Variants in PCDHA3 observed in about 807,000 individuals in gnomAD.
PCDHA3 encodes the protein protocadherin alpha 3, also known as protocadherin alpha-3.
A neutral mutation model predicts 62.2 loss-of-function variants in PCDHA3; 41 were observed. The observed-to-expected ratio is 0.66, with a 90% CI of 0.51 to 0.86. The LOEUF (loss-of-function observed/expected upper bound fraction) is 0.86, where lower values mean the gene tolerates loss of function less well. PCDHA3 is among the 40% of genes least tolerant of loss of function. PCDHA3 has a pLI of 0.00. For missense variants in PCDHA3, 1,304 were observed against 1,241.2 expected, an observed-to-expected ratio of 1.05 and a Z score of -0.76; for synonymous variants, 640 against 555.4, an observed-to-expected ratio of 1.15 and a Z score of -2.14.
intron 1 of PCDHA3, among the ~76,000 whole-genome samples, chr5:140,889,062 T>C (rs1463008573): frequency 1.3e-5 from 2 of 152,052 alleles, no homozygotes; most frequent in African/African-American, 2.4e-5. Context: ...CCTTTTAATA[T>C]ACTACTTATT....
chr5:140,955,234 G>C (rs1373509371), intron 1 of PCDHA3, among the ~76,000 whole-genome samples: 12 of 152,184 alleles, frequency 7.9e-5, no homozygotes, highest in Middle Eastern at 3.4e-3. Flanking sequence ...TTGTTCTTTT[G>C]CTTAGGATCG....
Position 140,848,771 on chromosome 5 carries a change from C to G in PCDHA3, c.2394+45180C>G, listed in dbSNP as rs1184191151. 4.4e-6 allele frequency: 7 copies of G among 1,593,350 alleles called. No homozygotes were observed. In the South Asian group the frequency reaches 6.6e-5, roughly 15 times the overall value. On this transcript the variant is annotated intron_variant, in intron 1 of 3. Coordinates refer to ENST00000522353, the MANE Select transcript of PCDHA3 (RefSeq NM_018906.3). ...TGTTTGTGAATTCTCGGATCGACCG[C>G]GAGGAGCTGTGCGGGCGGAGCGCGG...
intron 1 of PCDHA3, chr5:140,824,264 C>A: frequency 2.3e-6 from 3 of 1,285,746 alleles, no homozygotes; most frequent in Non-Finnish European, 3.3e-6. Context: ...TGCACTAATT[C>A]ATGTATTATA....
intron 3 of PCDHA3, among the ~76,000 whole-genome samples, chr5:140,991,068 T>A (rs1563570560): frequency 6.6e-6 from 1 of 152,216 alleles, no homozygotes; most frequent in Admixed American, 6.5e-5. Flanking sequence ...ATTATTCCCA[T>A]GTTTCAGATA....
intron 1 of PCDHA3, chr5:140,870,784 G>T (rs374163229): frequency 3.1e-6 from 5 of 1,613,574 alleles, no homozygotes; most frequent in Non-Finnish European, 4.2e-6. Context: ...GAACGACAAC[G>T]CGCCGGCACT....
At chr5:140,905,383 A>G (rs576453128) in intron 1 of PCDHA3, among the ~76,000 whole-genome samples, 8 of 152,324 alleles carry the variant, frequency 5.3e-5, no homozygotes, top group African/African-American at 1.7e-4. Flanking sequence ...GTTCTGTTTC[A>G]TAGGTCTGTG....
At chr5:140,925,671 A>AATAATAATAATAATAATG (rs1445697337) in intron 1 of PCDHA3, among the ~76,000 whole-genome samples, 3 of 148,150 alleles carry the variant, frequency 2.0e-5, no homozygotes, top group African/African-American at 7.5e-5. Flanking sequence ...TAATAATAAT[A>AATAATAATAATAATAATG]ATAATAAAGC....
chr5:140,842,285 G>A lies in PCDHA3; in HGVS notation c.2394+38694G>A, dbSNP rs1777851856. 1.9e-6 allele frequency: 3 copies of A among 1,610,382 alleles called. No homozygotes were observed. The highest frequency in any genetic ancestry group is 2.5e-6 in the Non-Finnish European group (3 of 1,176,908). On this transcript the variant is annotated intron_variant, in intron 1 of 3. Transcript: ENST00000522353. ...AAACTTATACAAAATCCTCATTGAC[G>A]CCACGGACAAAGGCCATCCTCCCAT...
In PCDHA3 at chr5:140,829,505, T is replaced by C. The variant is rs1470600823; in HGVS notation, c.2394+25914T>C. 1.4e-5 allele frequency: 22 copies of C among 1,613,588 alleles called. No homozygotes were observed. The highest frequency in any genetic ancestry group is 1.9e-5 in the Non-Finnish European group (22 of 1,179,954). ...CGTGAAGGAGAACAACCCGCCGGGC[T>C]GCCACATCTTCACGGTGTCTGCGCG... On this transcript the variant is annotated intron_variant, in intron 1 of 3. Transcript: ENST00000522353.
intron 1 of PCDHA3, chr5:140,877,875 C>A: frequency 6.8e-7 from 1 of 1,475,090 alleles, no homozygotes; most frequent in Non-Finnish European, 9.0e-7. Context: ...TATTTGTTTC[C>A]TTGAAGAACT....
At chr5:140,962,494 A>T (rs1016662619) in intron 1 of PCDHA3, among the ~76,000 whole-genome samples, 4 of 152,130 alleles carry the variant, frequency 2.6e-5, no homozygotes, top group Admixed American at 2.6e-4. Context: ...CAATTTTCAG[A>T]CACCTCAGCC....
At chr5:140,823,284 G>A (rs1319808808) in intron 1 of PCDHA3, 1 of 1,612,332 alleles carries the variant, frequency 6.2e-7, no homozygotes, top group Admixed American at 1.7e-5. Context: ...AGCGCCCGCT[G>A]TCGAGTTACG....
chr5:140,858,677 T>C (rs1480959792), intron 1 of PCDHA3: 2 of 629,026 alleles, frequency 3.2e-6, no homozygotes, highest in South Asian at 4.5e-5. Flanking sequence ...TTATTCTGAA[T>C]ACACTAATAT....
chr5:140,999,747 C>T (rs2097874058), intron 3 of PCDHA3, among the ~76,000 whole-genome samples: 1 of 152,008 alleles, frequency 6.6e-6, no homozygotes, highest in East Asian at 1.9e-4. Flanking sequence ...AATCTGGGTT[C>T]GCAGCACATG....
chr5:140,804,810 A>T, intron 1 of PCDHA3: 1 of 314,338 alleles, frequency 3.2e-6, no homozygotes, highest in Non-Finnish European at 5.8e-6. Context: ...AATAGTAACC[A>T]ACTGAAACCT....
Position 140,982,684 on chromosome 5 carries a change from T to C in PCDHA3, c.2542+121T>C. Reference sequence around the variant, plus strand: ...TTTTATATTTTTGTTATTCCCTTTTTTCCATACATACATGATTTCCTTACA... The same window carrying C: ...TTTTATATTTTTGTTATTCCCTTTTCTCCATACATACATGATTTCCTTACA... On this transcript the variant is annotated intron_variant, in intron 3 of 3. Transcript: ENST00000522353. The C allele has an allele frequency of 2.8e-6, 4 of 1,425,176 alleles. No individual in the cohort carries two copies. In the South Asian group the frequency reaches 6.0e-5, roughly 21 times the overall value. 88.3% of individuals were successfully genotyped at this position (1,425,176 alleles called of 1,614,324 possible).
chr5:140,987,005 T>C (rs1587197864), intron 3 of PCDHA3, among the ~76,000 whole-genome samples: 1 of 152,008 alleles, frequency 6.6e-6, no homozygotes. Context: ...CTTGAGGTCA[T>C]GAGTTCGAGA....
chr5:140,994,747 G>A (rs2097648455), intron 3 of PCDHA3, among the ~76,000 whole-genome samples: 1 of 152,152 alleles, frequency 6.6e-6, no homozygotes, highest in Non-Finnish European at 1.5e-5. Context: ...ATGGCAAGTA[G>A]GATGTGGAGA....
chr5:140,871,925 T>C (rs1554165953), intron 1 of PCDHA3, among the ~76,000 whole-genome samples: 1 of 152,244 alleles, frequency 6.6e-6, no homozygotes, highest in African/African-American at 2.4e-5. Flanking sequence ...TTCCACATTG[T>C]TAGATCAACT....
Sources: gnomAD v4.1 joint callset for allele counts (sites outside exome capture counted in the v4.1 genomes callset) on GRCh38, gnomAD v4.1.1 for gene constraint, MANE v1.5 for transcripts, NCBI Gene and HGNC (gene_info 2026-07-23, HGNC 2026-07-21) for gene names.